MAP7D2: variants seen among roughly 807,000 people sequenced by gnomAD.
The protein encoded by MAP7D2 is MAP7 domain-containing protein 2.
A neutral mutation model predicts 63.5 loss-of-function variants in MAP7D2; 33 were observed. The observed-to-expected ratio is 0.52, with a 90% confidence interval of 0.39 to 0.70. The LOEUF (loss-of-function observed/expected upper bound fraction) is 0.70, where lower values mean the gene tolerates loss of function less well. Ranked by LOEUF, MAP7D2 falls within the 30% of genes least tolerant of loss-of-function variation. MAP7D2 has a pLI of 0.00. For missense variants in MAP7D2, 626 were observed against 604.0 expected (o/e 1.04, Z -0.38); for synonymous variants, 224 against 223.7 (o/e 1.00, Z -0.01).
At chrX:20,021,630 C>T (rs1414103320) in intron 10 of MAP7D2, 1 of 111,815 alleles carries the variant, frequency 8.9e-6, no homozygotes, top group Non-Finnish European at 1.9e-5. Context: ...TCAATTCCAT[C>T]TCCAATCATC....
rs1241768111 is a variant in MAP7D2 at position 20,116,890 on chromosome X, C to G, written c.-11G>C. On this transcript the variant is annotated 5_prime_UTR_variant, in exon 1 of 17. Coordinates refer to ENST00000379643, the MANE Select transcript of MAP7D2 (RefSeq NM_001168465.2). ...GCCGCCGCGCTCCATCGGGATGCGC[C>G]GGCCGCACAGGCGCACTGCCAAGCC... 1.9e-5 allele frequency: 21 copies of G among 1,102,057 alleles called. No individual in the cohort carries two copies. In the East Asian group the frequency reaches 2.3e-4, roughly 12 times the overall value. The allele number at this position is 1,102,057 out of a possible 1,213,427, so 90.8% of individuals were successfully genotyped here.
At chrX:20,101,910 C>G (rs1329652996) in intron 1 of MAP7D2, among the ~76,000 whole-genome samples, 1 of 112,271 alleles carries the variant, frequency 8.9e-6, no homozygotes, top group Admixed American at 9.4e-5. Context: ...TTCAAAATTG[C>G]TAAAACAGTA....
intron 1 of MAP7D2, among the ~76,000 whole-genome samples, chrX:20,065,414 G>A (rs1048580369): frequency 1.8e-5 from 2 of 109,320 alleles, no homozygotes; most frequent in East Asian, 2.9e-4. Context: ...TTACAGGTGC[G>A]TGCAACCACG....
chrX:20,023,937 C>T lies in MAP7D2; in HGVS notation c.1412+1014G>A, dbSNP rs148404424. On this transcript the variant is annotated intron_variant, in intron 10 of 16. Coordinates refer to ENST00000379643, the MANE Select transcript of MAP7D2 (RefSeq NM_001168465.2). ...GTCCCAAATTTCAAGAAGGGACTGT[C>T]GAGACCTACCCCACTGTCCCTTTTA... Among the ~76,000 whole-genome samples, 20 of 112,174 alleles carry T rather than the reference C, an allele frequency of 1.8e-4. No individual in the cohort carries two copies. In the East Asian group the frequency reaches 5.3e-3, roughly 30 times the overall value.
intron 2 of MAP7D2, among the ~76,000 whole-genome samples, chrX:20,064,387 C>G (rs1387981741): frequency 8.9e-6 from 1 of 111,766 alleles, no homozygotes; most frequent in African/African-American, 3.3e-5. Flanking sequence ...TTTTAGATTC[C>G]CAAGAGAGAA....
At position 20,044,379 on chromosome X, in the gene MAP7D2, T is replaced by A; in HGVS notation, c.864A>T (p.Gly288=). 2 of 1,211,360 alleles carry A rather than the reference T, an allele frequency of 1.7e-6. No homozygotes were observed. The highest frequency in any genetic ancestry group is 1.1e-6 in the Non-Finnish European group (1 of 895,303). ...AGDVGKEALS[G]GEASLVEKVK... ...TTAAACCTACCAGAGAGGCCTCTCC[T>A]CCTGAAAGGGCTTCTTTCCCAACAT... Residue 288 remains glycine (G), a synonymous_variant, in exon 7 of 17, where the codon GGA becomes GGT. Coordinates refer to ENST00000379643, the MANE Select transcript of MAP7D2 (RefSeq NM_001168465.2).
intron 4 of MAP7D2, among the ~76,000 whole-genome samples, chrX:20,056,167 C>T (rs12008557): frequency 0.37 from 41,610 of 111,043 alleles, 8,951 homozygotes; most frequent in African/African-American, 0.83. Context: ...TATTAAATTA[C>T]ACATTTGAAA....
intron 1 of MAP7D2, among the ~76,000 whole-genome samples, chrX:20,114,459 T>C (rs193009017): frequency 8.9e-5 from 10 of 112,900 alleles, no homozygotes; most frequent in East Asian, 5.6e-4. Flanking sequence ...GTTAAGCAGA[T>C]TGAAACAAGC....
intron 1 of MAP7D2, among the ~76,000 whole-genome samples, chrX:20,076,510 A>G (rs1209857512): frequency 9.0e-6 from 1 of 110,751 alleles, no homozygotes; most frequent in Non-Finnish European, 1.9e-5. Flanking sequence ...GTTCGAGACC[A>G]GCCCGGCCAA....
intron 1 of MAP7D2, among the ~76,000 whole-genome samples, chrX:20,090,632 T>C (rs1174282077): frequency 8.9e-6 from 1 of 112,156 alleles, no homozygotes; most frequent in Non-Finnish European, 1.9e-5. Context: ...GGGAAAAGAT[T>C]TGGCAGTTCT....
chrX:20,082,668 G>A (rs1287003631), intron 1 of MAP7D2, among the ~76,000 whole-genome samples: 1 of 111,959 alleles, frequency 8.9e-6, no homozygotes, highest in East Asian at 2.8e-4. Flanking sequence ...TCGCACTGTT[G>A]TCGGGGCTGC....
chrX:20,102,754 G>A (rs1158097668), intron 1 of MAP7D2, among the ~76,000 whole-genome samples: 1 of 106,154 alleles, frequency 9.4e-6, no homozygotes, highest in African/African-American at 3.4e-5. Flanking sequence ...CAGAACCCTC[G>A]GGTTTGGCTG....
intron 1 of MAP7D2, among the ~76,000 whole-genome samples, chrX:20,107,077 G>A (rs1415480062): frequency 3.6e-5 from 4 of 111,425 alleles, no homozygotes; most frequent in African/African-American, 1.3e-4. Flanking sequence ...GTAGCCCACA[G>A]CAGAGGGCGG....
chrX:20,040,590 A>T (rs1464788236), intron 8 of MAP7D2, among the ~76,000 whole-genome samples: 1 of 111,151 alleles, frequency 9.0e-6, no homozygotes, highest in African/African-American at 3.3e-5. Context: ...TTGTTGGGTT[A>T]TCAATTGGCC....
At chrX:20,045,750 G>A (rs1305593615) in intron 6 of MAP7D2, among the ~76,000 whole-genome samples, 5 of 110,351 alleles carry the variant, frequency 4.5e-5, no homozygotes, top group East Asian at 2.8e-4. Flanking sequence ...AAAGGGTGGA[G>A]AACAAACTTG....
chrX:20,027,763 A>G (rs1179154075), intron 8 of MAP7D2, among the ~76,000 whole-genome samples: 6 of 61,143 alleles, frequency 9.8e-5, no homozygotes, highest in African/African-American at 3.8e-4. Context: ...GGGGGGAGAG[A>G]GAGAGAGAGA....
intron 1 of MAP7D2, among the ~76,000 whole-genome samples, chrX:20,101,557 C>G (rs762545498): frequency 8.9e-6 from 1 of 111,837 alleles, no homozygotes; most frequent in Admixed American, 9.5e-5. Context: ...AGGTATGTAC[C>G]CAACAGAAAT....
intron 12 of MAP7D2, 104 bp downstream of exon 12, chrX:20,015,119 A>G: frequency 1.7e-6 from 1 of 575,156 alleles, no homozygotes; most frequent in East Asian, 3.3e-5. Context: ...AATGAACTTG[A>G]CCTAACTGAC....
chrX:20,034,310 G>A (rs2074147674), intron 8 of MAP7D2, among the ~76,000 whole-genome samples: 1 of 108,587 alleles, frequency 9.2e-6, no homozygotes, highest in African/African-American at 3.4e-5. Context: ...AGCACTTTGG[G>A]AGGCAGGGGC....
Sources: gnomAD v4.1 joint callset for allele counts (sites outside exome capture counted in the v4.1 genomes callset) on GRCh38, gnomAD v4.1.1 for gene constraint, MANE v1.5 for transcripts, NCBI Gene and HGNC (gene_info 2026-07-23, HGNC 2026-07-21) for gene names.